ST14: variants seen among roughly 807,000 people sequenced by gnomAD.
ST14 encodes suppressor of tumorigenicity 14 protein.
In ST14, 40 loss-of-function variants were observed where a neutral mutation model predicts 96.5. The observed-to-expected ratio is 0.41, with a 90% CI of 0.32 to 0.54. The LOEUF is 0.54. Among genes scored for constraint, ST14 ranks in the 20% least tolerant of loss-of-function variants. ST14 has a pLI of 0.17. For synonymous variants in ST14, 506 were observed against 492.1 expected (o/e 1.03, Z -0.37); for missense variants, 1,066 against 1,188.9 (o/e 0.90, Z 1.52).
At chr11:130,180,017 G>C (rs987886447) in intron 1 of ST14, among the ~76,000 whole-genome samples, 1 of 152,208 alleles carries the variant, frequency 6.6e-6, no homozygotes. Flanking sequence ...CAATTACAGG[G>C]ATAGTTTATG....
At chr11:130,208,154 T>G (rs1953507858) in intron 16 of ST14, among the ~76,000 whole-genome samples, 1 of 152,236 alleles carries the variant, frequency 6.6e-6, no homozygotes, top group African/African-American at 2.4e-5. Context: ...GTAAGATAAC[T>G]AATTTTTGGT....
At chr11:130,177,193 T>A (rs1278155976) in intron 1 of ST14, among the ~76,000 whole-genome samples, 1 of 152,066 alleles carries the variant, frequency 6.6e-6, no homozygotes, top group African/African-American at 2.4e-5. Flanking sequence ...TGGGCAATGG[T>A]TCGATTTCCC....
chr11:130,181,524 G>A lies in ST14; in HGVS notation c.82-6590G>A, dbSNP rs1418128219. On this transcript the variant is annotated intron_variant, in intron 1 of 18. Coordinates refer to ENST00000278742, the MANE Select transcript of ST14 (RefSeq NM_021978.4). This position sits in a 1 kb window ranked among gnomAD's most constrained non-coding sequence, Gnocchi z 4.1. The stretch of plus-strand genomic sequence containing the variant: ...GTTTACTTTTAAGAAAGAGAGACAG[G>A]AGAAGTGAAAGCAGGCGCAGGCATA... Among the ~76,000 whole-genome samples, 1 of 152,220 alleles carries A rather than the reference G, an allele frequency of 6.6e-6. No homozygotes were observed. Among genetic ancestry groups the A allele is most frequent in the Non-Finnish European group, 1.5e-5 (1 of 68,042 alleles).
At chr11:130,197,727 C>A in intron 11 of ST14, 114 bp from the exon 12 acceptor site, 1 of 888,260 alleles carries the variant, frequency 1.1e-6, no homozygotes, top group Non-Finnish European at 1.7e-6. Context: ...GGCCACAGCA[C>A]CTGCCCTGCT....
At chr11:130,160,910 C>A (rs1952994101) in intron 1 of ST14, among the ~76,000 whole-genome samples, 1 of 152,160 alleles carries the variant, frequency 6.6e-6, no homozygotes, top group South Asian at 2.1e-4. Context: ...CAGGGCATAC[C>A]AGGTCAGGGC....
chr11:130,198,610 C>T lies in ST14; in HGVS notation c.1673C>T (p.Ser558Phe), dbSNP rs372629320. 3.1e-6 allele frequency: 5 copies of T among 1,613,596 alleles called. No homozygotes were observed. The East Asian group carries it at 6.7e-5, about 22-fold the overall frequency. The change falls in exon 14 of 19, where the codon TCC becomes TTC. Residue 558 changes from serine to phenylalanine, a missense_variant. Transcript: ENST00000278742. Reference sequence around the variant, plus strand: ...TGTGGGGACGGGTCCGACGAGGCCTCCTGCCCCAAGGGTGAGGCCCGCCCC... The same window carrying T: ...TGTGGGGACGGGTCCGACGAGGCCTTCTGCCCCAAGGGTGAGGCCCGCCCC... ...DDCGDGSDEA[S>F]CPKVNVVTCT...
chr11:130,208,192 G>C (rs1026302086), intron 16 of ST14, among the ~76,000 whole-genome samples: 6 of 152,182 alleles, frequency 3.9e-5, no homozygotes, highest in African/African-American at 7.2e-5. Flanking sequence ...ATTCAAGGAA[G>C]GGGGGGTAAA....
At chr11:130,207,843 C>T (rs574603186) in intron 16 of ST14, among the ~76,000 whole-genome samples, 9 of 152,290 alleles carry the variant, frequency 5.9e-5, no homozygotes, top group African/African-American at 1.7e-4. Context: ...GAGGCCGAGG[C>T]GGGCGGATCA....
chr11:130,173,340 G>A (rs2136204751), intron 1 of ST14, among the ~76,000 whole-genome samples: 1 of 152,294 alleles, frequency 6.6e-6, no homozygotes, highest in East Asian at 1.9e-4. Flanking sequence ...GCTCATGCCT[G>A]TAATCCCAGT....
intron 11 of ST14, 128 bp downstream of exon 11, chr11:130,196,828 T>G: frequency 7.0e-7 from 1 of 1,426,886 alleles, no homozygotes; most frequent in Non-Finnish European, 9.8e-7. Flanking sequence ...ATCTCACCCC[T>G]CCCGTAGCTT....
At chr11:130,204,120 C>T (rs995151163) in intron 16 of ST14, among the ~76,000 whole-genome samples, 11 of 152,180 alleles carry the variant, frequency 7.2e-5, no homozygotes, top group East Asian at 1.9e-4. Context: ...CTTCTTGTCA[C>T]GCTGTAATTG....
chr11:130,202,836 A>G (rs55985234), intron 16 of ST14, among the ~76,000 whole-genome samples: 15,154 of 152,164 alleles, frequency 0.1, 947 homozygotes, highest in African/African-American at 0.16. Context: ...ACCCTACCTC[A>G]CAGGACTGTT....
chr11:130,189,804 C>CCGAG lies in ST14; in HGVS notation c.509_512dup (p.Val172AlafsTer65). 1 of 1,613,872 alleles carries CCGAG rather than the reference C, an allele frequency of 6.2e-7. No individual in the cohort carries two copies. Among genetic ancestry groups the CCGAG allele is most frequent in the Non-Finnish European group, 8.5e-7 (1 of 1,179,956 alleles). On this transcript the variant is annotated frameshift_variant, in exon 5 of 19. Coordinates refer to ENST00000278742, the MANE Select transcript of ST14 (RefSeq NM_021978.4). LOFTEE classifies it high-confidence loss of function. ...ATCCCGCAGCACCTGGTGGAGGAGG[C>CCGAG]CGAGCGCGTCATGGCCGAGGAGCGC...
Position 130,167,903 on chromosome 11 carries a change from T to A in ST14, c.81+7843T>A, listed in dbSNP as rs1419055462. 3.3e-5 allele frequency among the ~76,000 whole-genome samples: 5 copies of A among 152,298 alleles called. No homozygotes were observed. The South Asian group carries it at 8.3e-4, about 25-fold the overall frequency. On this transcript the variant is annotated intron_variant, in intron 1 of 18. Coordinates refer to ENST00000278742, the MANE Select transcript of ST14 (RefSeq NM_021978.4). ...CTAATTTTTGTATTTTTAGTAGAGA[T>A]GGCGGTTTCACCATATGGGCCAGGC...
intron 15 of ST14, among the ~76,000 whole-genome samples, chr11:130,199,530 G>A (rs1353482036): frequency 1.3e-5 from 2 of 152,174 alleles, no homozygotes; most frequent in Non-Finnish European, 2.9e-5. Flanking sequence ...TCACATCAGC[G>A]GTTCATTCGT....
chr11:130,198,423 G>A lies in ST14; in HGVS notation c.1570+5G>A. On this transcript the variant is annotated splice_donor_5th_base_variant and intron_variant, in intron 13 of 18. Coordinates refer to ENST00000278742, the MANE Select transcript of ST14 (RefSeq NM_021978.4). ...ACAGCGACGAGCAGGGGTGCAGTGA[G>A]TGCTGGGGAGGGGCTGCCTGGGCGG... The A allele has an allele frequency of 6.2e-7, 1 of 1,614,072 alleles. No homozygotes were observed. Among genetic ancestry groups the A allele is most frequent in the Non-Finnish European group, 8.5e-7 (1 of 1,179,986 alleles).
chr11:130,196,778 C>A (rs779522069), intron 11 of ST14, 78 bp downstream of exon 11: 3 of 1,601,070 alleles, frequency 1.9e-6, no homozygotes, highest in Non-Finnish European at 2.6e-6. Flanking sequence ...TCGTTAGCAT[C>A]GTGCTTTGCT....
At position 130,189,846 on chromosome 11, in the gene ST14, C is replaced by A. The variant is rs1407596024; in HGVS notation, c.548C>A (p.Pro183Gln). The stretch of plus-strand genomic sequence containing the variant: ...GAGGAGCGCGTAGTCATGCTGCCCC[C>A]GCGGGCGCGCTCCCTGAAGTCCTTT... ...MAEERVVMLP[P>Q]RARSLKSFVV... Residue 183 changes from proline to glutamine, a missense_variant, in exon 5 of 19, where the codon CCG becomes CAG. Transcript: ENST00000278742. 6.2e-7 allele frequency: 1 copy of A among 1,613,790 alleles called. No homozygotes were observed. Among genetic ancestry groups the A allele is most frequent in the African/African-American group, 1.3e-5 (1 of 74,930 alleles).
rs1410121150 is a variant in ST14 at position 130,160,082 on chromosome 11, G to A, written c.81+22G>A. On this transcript the variant is annotated intron_variant, in intron 1 of 18. Coordinates refer to ENST00000278742, the MANE Select transcript of ST14 (RefSeq NM_021978.4). ...CGAGGTGAGCGCGGGCCGGGGACCC[G>A]GGGCGCTGGGAAGCTCCTGCCCGCC... 4.3e-6 allele frequency: 6 copies of A among 1,406,262 alleles called. No homozygotes were observed. In the South Asian group the frequency reaches 9.1e-5, roughly 21 times the overall value. 87.1% of individuals were successfully genotyped at this position (1,406,262 alleles called of 1,614,324 possible).
Sources: gnomAD v4.1 joint callset for allele counts (sites outside exome capture counted in the v4.1 genomes callset) on GRCh38, gnomAD v4.1.1 for gene constraint, Gnocchi (gnomAD v3.1) non-coding constraint, MANE v1.5 for transcripts, NCBI Gene and HGNC (gene_info 2026-07-23, HGNC 2026-07-21) for gene names.